Variants in DHRSX observed in about 807,000 individuals in gnomAD.
The protein encoded by DHRSX is dehydrogenase/reductase X-linked.
DHRSX carries 31 observed loss-of-function variants against 34.0 expected under a neutral mutation model. The ratio of observed to expected loss-of-function variants is 0.91; its 90% CI spans 0.69 to 1.23. The LOEUF is 1.23. Among genes scored for constraint, DHRSX ranks in the 50% most tolerant of loss-of-function variants. DHRSX has a pLI of 0.00. For missense variants in DHRSX, 414 were observed against 428.1 expected (o/e 0.97, Z 0.29); for synonymous variants, 201 against 183.8 (o/e 1.09, Z -0.76).
At chrX:2,298,428 T>G (rs1193517658) in intron 3 of DHRSX, among the ~76,000 whole-genome samples, 1 of 151,156 alleles carries the variant, frequency 6.6e-6, no homozygotes, top group Non-Finnish European at 1.5e-5. Context: ...CAGTATATAT[T>G]TGGCCATTTT....
At chrX:2,432,813 A>C (rs929903867) in intron 1 of DHRSX, among the ~76,000 whole-genome samples, 1 of 152,224 alleles carries the variant, frequency 6.6e-6, no homozygotes, top group African/African-American at 2.4e-5. Flanking sequence ...GATAGATTTC[A>C]CTATTTAAAA....
At chrX:2,433,300 T>C (rs924718678) in intron 1 of DHRSX, among the ~76,000 whole-genome samples, 1 of 151,200 alleles carries the variant, frequency 6.6e-6, no homozygotes, top group Non-Finnish European at 1.5e-5. Context: ...AAAATAAGAG[T>C]TTATATACAG....
At chrX:2,435,374 T>G (rs958518969) in intron 1 of DHRSX, among the ~76,000 whole-genome samples, 2 of 151,892 alleles carry the variant, frequency 1.3e-5, no homozygotes, top group African/African-American at 4.8e-5. Flanking sequence ...ATGTTACCAC[T>G]GGGGGAAGTA....
Position 2,259,321 on chromosome X carries a change from G to GATAGATATAGATATAT in DHRSX, c.596+7403_596+7418dup, listed in dbSNP as rs1267426467. On this transcript the variant is annotated intron_variant, in intron 5 of 6. Transcript: ENST00000334651. ...ATATAGATATAGATATAGATATATA[G>GATAGATATAGATATAT]ATAGATATAGATATATATAGATATA... Among the ~76,000 whole-genome samples, 82 of 145,704 alleles carry GATAGATATAGATATAT rather than the reference G, an allele frequency of 5.6e-4. 1 individual carries two copies. The East Asian group carries it at 0.015, about 26-fold the overall frequency.
At chrX:2,283,775 G>C (rs769450227) in intron 4 of DHRSX, among the ~76,000 whole-genome samples, 1 of 152,294 alleles carries the variant, frequency 6.6e-6, no homozygotes, top group East Asian at 1.9e-4. Flanking sequence ...TCATTCATTT[G>C]CATCATTTGA....
chrX:2,302,794 C>T (rs2042029047), intron 3 of DHRSX, among the ~76,000 whole-genome samples: 1 of 151,986 alleles, frequency 6.6e-6, no homozygotes, highest in African/African-American at 2.4e-5. Context: ...AAGCTTTGTT[C>T]AATCCAATGA....
At position 2,395,178 on chromosome X, in the gene DHRSX, C is replaced by T. The variant is rs138084892; in HGVS notation, c.286+13567G>A. On this transcript the variant is annotated intron_variant, in intron 3 of 6. Transcript: ENST00000334651. ...TCCAAGACCTGTGTTCTTTCCTGCACCTGTTTCCTTGGAACGAGTCTGTTC... is the reference window on the plus strand; with the variant it reads ...TCCAAGACCTGTGTTCTTTCCTGCATCTGTTTCCTTGGAACGAGTCTGTTC... 6.7e-3 allele frequency among the ~76,000 whole-genome samples: 1,022 copies of T among 152,250 alleles called. 17 individuals are homozygous for T. Among genetic ancestry groups the T allele is most frequent in the African/African-American group, 0.024 (989 of 41,550 alleles).
chrX:2,298,317 G>GTTT (rs529844889), intron 3 of DHRSX, among the ~76,000 whole-genome samples: 29,434 of 123,124 alleles, frequency 0.24, 3,550 homozygotes, highest in Non-Finnish European at 0.29. Context: ...CAGTTTTGGT[G>GTTT]TTTTTTTTTT....
At chrX:2,399,790 G>A (rs965862707) in intron 3 of DHRSX, among the ~76,000 whole-genome samples, 19 of 148,252 alleles carry the variant, frequency 1.3e-4, no homozygotes, top group Admixed American at 1.4e-4. Flanking sequence ...TGTAATCCCA[G>A]CACTTTGGAA....
intron 5 of DHRSX, among the ~76,000 whole-genome samples, chrX:2,256,010 T>G (rs895932613): frequency 6.8e-6 from 1 of 146,670 alleles, no homozygotes; most frequent in African/African-American, 2.6e-5. Flanking sequence ...AAGGTATGTG[T>G]CCCTCTTTTT....
chrX:2,311,374 C>T (rs1040479141), intron 3 of DHRSX, among the ~76,000 whole-genome samples: 3 of 152,104 alleles, frequency 2.0e-5, no homozygotes, highest in Non-Finnish European at 4.4e-5. Flanking sequence ...ACTTGAGATA[C>T]ATCACTACGA....
At chrX:2,375,824 G>T (rs2043134784) in intron 3 of DHRSX, among the ~76,000 whole-genome samples, 1 of 136,314 alleles carries the variant, frequency 7.3e-6, no homozygotes. Flanking sequence ...GTAGAGACGG[G>T]GTTTCACCAT....
intron 3 of DHRSX, among the ~76,000 whole-genome samples, chrX:2,378,559 A>T (rs989165160): frequency 6.6e-6 from 1 of 152,198 alleles, no homozygotes. Flanking sequence ...TCTTAAGGAA[A>T]ATCACAGCTT....
At chrX:2,444,743 G>C (rs1288720229) in intron 1 of DHRSX, among the ~76,000 whole-genome samples, 1 of 151,964 alleles carries the variant, frequency 6.6e-6, no homozygotes, top group African/African-American at 2.4e-5. Context: ...GCTGAGGTGG[G>C]AGCATGGCTT....
At chrX:2,242,610 C>T (rs1235591844) in intron 6 of DHRSX, among the ~76,000 whole-genome samples, 5 of 152,018 alleles carry the variant, frequency 3.3e-5, no homozygotes, top group African/African-American at 4.8e-5. Context: ...AGTAAAGAAG[C>T]GGGCCAAAAC....
chrX:2,406,974 A>G (rs2043563133), intron 3 of DHRSX, among the ~76,000 whole-genome samples: 1 of 152,234 alleles, frequency 6.6e-6, no homozygotes, highest in South Asian at 2.1e-4. Context: ...TCCTATGTGC[A>G]TTGCAGCACT....
In DHRSX at chrX:2,290,294, G is replaced by GA. The variant is rs200850829; in HGVS notation, c.388+1207dup. The stretch of plus-strand genomic sequence containing the variant: ...AACACGAAACACATCAAGACAAAAA[G>GA]AAAAAAAAATTAGATAGAAGCTACC... On this transcript the variant is annotated intron_variant, in intron 4 of 6. Transcript: ENST00000334651. Among the ~76,000 whole-genome samples, 473 of 150,650 alleles carry GA rather than the reference G, an allele frequency of 3.1e-3. 1 individual carries two copies. Among genetic ancestry groups the GA allele is most frequent in the African/African-American group, 0.011 (439 of 41,150 alleles).
intron 6 of DHRSX, among the ~76,000 whole-genome samples, chrX:2,237,026 T>C (rs2016033191): frequency 6.6e-6 from 1 of 151,840 alleles, no homozygotes; most frequent in African/African-American, 2.4e-5. Flanking sequence ...CCGTCTCTAC[T>C]GAAAATGTAA....
At chrX:2,443,702 G>A (rs2044091060) in intron 1 of DHRSX, among the ~76,000 whole-genome samples, 1 of 152,014 alleles carries the variant, frequency 6.6e-6, no homozygotes, top group African/African-American at 2.4e-5. Flanking sequence ...GAGAAGATGA[G>A]ATGGTAAAAA....
Sources: gnomAD v4.1 joint callset for allele counts (sites outside exome capture counted in the v4.1 genomes callset) on GRCh38, gnomAD v4.1.1 for gene constraint, MANE v1.5 for transcripts, NCBI Gene and HGNC (gene_info 2026-07-23, HGNC 2026-07-21) for gene names.